The following C19orf38 variants were observed in gnomAD, a reference collection of about 807,000 sequenced individuals.
The protein encoded by C19orf38 is chromosome 19 open reading frame 38.
In C19orf38, 14 loss-of-function variants were observed where a neutral mutation model predicts 26.6. That is an observed-to-expected ratio of 0.53 (90% CI 0.35 to 0.82). The LOEUF is 0.82. Among genes scored for constraint, C19orf38 ranks in the 40% least tolerant of loss-of-function variants. The pLI is 0.01. For synonymous variants in C19orf38, 132 were observed against 128.5 expected, an observed-to-expected ratio of 1.03 and a Z score of -0.18; for missense variants, 261 against 299.5, an observed-to-expected ratio of 0.87 and a Z score of 0.95.
intron 4 of C19orf38, among the ~76,000 whole-genome samples, chr19:10,858,808 C>T (rs1399699130): frequency 6.6e-6 from 1 of 152,126 alleles, no homozygotes; most frequent in African/African-American, 2.4e-5. Context: ...TCCTAACTGG[C>T]CCTGGCCTCA....
At chr19:10,867,722 G>A (rs1183759231) in intron 6 of C19orf38, among the ~76,000 whole-genome samples, 10 of 127,274 alleles carry the variant, frequency 7.9e-5, no homozygotes, top group Admixed American at 3.9e-4. Context: ...GTGTGATCTC[G>A]GCTCACTGCC....
intron 2 of C19orf38, among the ~76,000 whole-genome samples, chr19:10,851,276 A>C (rs1345438992): frequency 1.3e-5 from 2 of 149,090 alleles, no homozygotes; most frequent in Non-Finnish European, 3.0e-5. Flanking sequence ...CCAGTCTCGA[A>C]CCCCTGACCT....
intron 5 of C19orf38, among the ~76,000 whole-genome samples, chr19:10,862,643 A>G (rs2073712228): frequency 6.6e-6 from 1 of 152,106 alleles, no homozygotes; most frequent in African/African-American, 2.4e-5. Flanking sequence ...CAACCTGGCC[A>G]ACATGGTGAA....
At chr19:10,865,257 C>T (rs2073740385) in intron 6 of C19orf38, among the ~76,000 whole-genome samples, 2 of 152,104 alleles carry the variant, frequency 1.3e-5, no homozygotes, top group African/African-American at 4.8e-5. Context: ...AGCGATTCTC[C>T]TGCCTCAGCT....
At position 10,850,053 on chromosome 19, in the gene C19orf38, C is replaced by A. The variant is rs180747122; in HGVS notation, c.32-206C>A. Reference sequence around the variant, plus strand: ...CATCCTGGGTGGCAGAGTGAGACTCCGACTCACAAAAAAAAGAAAAAAGAA... The same window carrying A: ...CATCCTGGGTGGCAGAGTGAGACTCAGACTCACAAAAAAAAGAAAAAAGAA... On this transcript the variant is annotated intron_variant, in intron 1 of 6. Transcript: ENST00000397820. 5.9e-5 allele frequency among the ~76,000 whole-genome samples: 9 copies of A among 151,816 alleles called. No individual in the cohort carries two copies. The East Asian group carries it at 1.7e-3, about 29-fold the overall frequency.
rs773726753 is a variant in C19orf38, at chr19:10,857,366, A to ATT, written c.434-932_434-931dup. Among the ~76,000 whole-genome samples, 324 of 56,052 alleles carry ATT rather than the reference A, an allele frequency of 5.8e-3. 10 individuals carry two copies. Among genetic ancestry groups the ATT allele is most frequent in the South Asian group, 7.9e-3 (12 of 1,512 alleles). 36.8% of individuals were successfully genotyped at this position (56,052 alleles called of 152,430 possible). On this transcript the variant is annotated intron_variant, in intron 3 of 6. Transcript: ENST00000397820. ...TATATATATATATATATATATATATATTTTTTTTTTTTTTTTTTTAAGATG... is the reference window on the plus strand; with the variant it reads ...TATATATATATATATATATATATATATTTTTTTTTTTTTTTTTTTTTAAGATG...
upstream of C19orf38, among the ~76,000 whole-genome samples, chr19:10,847,054 C>T (rs1344672117): frequency 6.6e-6 from 1 of 152,150 alleles, no homozygotes; most frequent in Admixed American, 6.6e-5. Context: ...GTTTGATGAC[C>T]ACATGCCACA....
chr19:10,869,354 G>A lies in C19orf38; in HGVS notation c.680G>A (p.Arg227Gln), dbSNP rs969716991. 11 of 1,550,258 alleles carry A rather than the reference G, an allele frequency of 7.1e-6. No individual in the cohort carries two copies. The highest frequency in any genetic ancestry group is 1.4e-5 in the African/African-American group (1 of 72,962). Residue 227 changes from arginine to glutamine, a missense_variant, in exon 7 of 7, where the codon CGG becomes CAG. Coordinates refer to ENST00000397820, the MANE Select transcript of C19orf38 (RefSeq NM_001136482.3). Reference sequence around the variant, plus strand: ...GAGACCCCCGAATTCAGCACTTTCCGGGCCTGCCAGTGAGGCTGAGGACTG... The same window carrying A: ...GAGACCCCCGAATTCAGCACTTTCCAGGCCTGCCAGTGAGGCTGAGGACTG... Reference protein sequence around the residue: ...SPETPEFSTFRACQ With the variant: ...SPETPEFSTFQACQ
intron 3 of C19orf38, among the ~76,000 whole-genome samples, chr19:10,857,673 G>C (rs1399847925): frequency 6.6e-6 from 1 of 151,438 alleles, no homozygotes; most frequent in African/African-American, 2.4e-5. Flanking sequence ...GCGAGGTCAG[G>C]AGTTTGAGAC....
chr19:10,852,960 C>G (rs2073587524), intron 2 of C19orf38, among the ~76,000 whole-genome samples: 1 of 150,376 alleles, frequency 6.6e-6, no homozygotes, highest in Non-Finnish European at 1.5e-5. Flanking sequence ...CCTATAAGCC[C>G]AGGACTTTGG....
intron 1 of C19orf38, among the ~76,000 whole-genome samples, chr19:10,842,773 TCAC>T (rs1422076735): frequency 6.6e-6 from 1 of 151,784 alleles, no homozygotes. Context: ...GTAGATTCCT[TCAC>T]CATATTGACT....
Position 10,869,525 on chromosome 19 carries a change from G to A in C19orf38, c.*158G>A. 9.2e-7 allele frequency: 1 copy of A among 1,084,690 alleles called. No homozygotes were observed. The allele number at this position is 1,084,690 out of a possible 1,614,324, so 67.2% of individuals were successfully genotyped here. A position where few individuals can be genotyped will look rare whatever the true frequency, so the allele number is the denominator to read the frequency against. On this transcript the variant is annotated 3_prime_UTR_variant, in exon 7 of 7. Transcript: ENST00000397820. ...TGGGATTTTCATCACAGAGGAGTGG[G>A]AGAGGGGACACAGGCATGGGCCTGG...
chr19:10,847,532 C>T (rs192435796), upstream of C19orf38, among the ~76,000 whole-genome samples: 95 of 151,608 alleles, frequency 6.3e-4, no homozygotes, highest in African/African-American at 2.2e-3. Context: ...TGCCACCACG[C>T]CCGGCTAATT....
At chr19:10,849,945 A>G (rs940437041) in intron 1 of C19orf38, among the ~76,000 whole-genome samples, 1 of 152,058 alleles carries the variant, frequency 6.6e-6, no homozygotes, top group African/African-American at 2.4e-5. Flanking sequence ...CATGCCTGTA[A>G]TCCTAGCTAC....
chr19:10,852,791 C>G (rs2073586107), intron 2 of C19orf38, among the ~76,000 whole-genome samples: 1 of 152,056 alleles, frequency 6.6e-6, no homozygotes, highest in Non-Finnish European at 1.5e-5. Context: ...ATCTTTTCAC[C>G]TGAGTGAGGG....
chr19:10,863,505 A>G (rs534945210), intron 6 of C19orf38, among the ~76,000 whole-genome samples: 2 of 152,274 alleles, frequency 1.3e-5, no homozygotes, highest in African/African-American at 4.8e-5. Context: ...GGTCTCAGTC[A>G]TGACAGCCCC....
intron 6 of C19orf38, among the ~76,000 whole-genome samples, chr19:10,865,411 T>G (rs961810727): frequency 6.6e-6 from 1 of 152,172 alleles, no homozygotes; most frequent in Admixed American, 6.5e-5. Context: ...CCTCCCAAAG[T>G]GCTGGGATTA....
intron 6 of C19orf38, among the ~76,000 whole-genome samples, chr19:10,867,169 C>T (rs2073759904): frequency 6.6e-6 from 1 of 152,058 alleles, no homozygotes. Context: ...CTGGCACCCA[C>T]CATTCTCCTG....
At chr19:10,839,861 A>G (rs1479422730) in intron 1 of C19orf38, among the ~76,000 whole-genome samples, 1 of 151,464 alleles carries the variant, frequency 6.6e-6, no homozygotes, top group Non-Finnish European at 1.5e-5. Context: ...AGTAGCTGGG[A>G]CTACAGGTGC....
Sources: allele counts gnomAD v4.1 joint callset (sites outside exome capture counted in the v4.1 genomes callset), GRCh38; gene constraint gnomAD v4.1.1; transcripts MANE v1.5; gene names NCBI Gene and HGNC (gene_info 2026-07-23, HGNC 2026-07-21).